NF2: variants seen among roughly 807,000 people sequenced by gnomAD.
The protein encoded by NF2 is NF2, moesin-ezrin-radixin like (MERLIN) tumor suppressor, also known as merlin.
In NF2, 8 loss-of-function variants were observed where a neutral mutation model predicts 83.7. The ratio of observed to expected loss-of-function variants is 0.10; its 90% CI spans 0.06 to 0.17. The LOEUF (loss-of-function observed/expected upper bound fraction) is 0.17, where lower values mean the gene tolerates loss of function less well. Ranked by LOEUF, NF2 falls within the 10% of genes least tolerant of loss-of-function variation. NF2 has a pLI of 1.00. For missense variants in NF2, 533 were observed against 744.4 expected, an observed-to-expected ratio of 0.72 and a Z score of 3.31; for synonymous variants, 266 against 269.6, an observed-to-expected ratio of 0.99 and a Z score of 0.13.
rs2064707013 is a variant in NF2, at chr22:29,603,859, C to A, written c.-140C>A. The stretch of plus-strand genomic sequence containing the variant: ...CGCGGCCCATGCTGGCCGCTGGGGA[C>A]CCGCGCAGCCCAGACCGTTCCCGGG... On this transcript the variant is annotated 5_prime_UTR_variant, in exon 1 of 16. Coordinates refer to ENST00000338641, the MANE Select transcript of NF2 (RefSeq NM_000268.4). 6.3e-6 allele frequency: 4 copies of A among 632,772 alleles called. No homozygotes were observed. Among genetic ancestry groups the A allele is most frequent in the Non-Finnish European group, 1.1e-5 (4 of 369,518 alleles). The allele number at this position is 632,772 out of a possible 1,614,324, so 39.2% of individuals were successfully genotyped here. A position where few individuals can be genotyped will look rare whatever the true frequency, so the allele number is the denominator to read the frequency against.
intron 1 of NF2, among the ~76,000 whole-genome samples, chr22:29,628,839 C>T (rs1008920325): frequency 6.6e-6 from 1 of 151,990 alleles, no homozygotes; most frequent in Admixed American, 6.6e-5. Flanking sequence ...CCATGTTGGC[C>T]AGGCTGGTCT....
chr22:29,671,984 T>G, intron 11 of NF2, 36 bp downstream of exon 11: 1 of 1,614,036 alleles, frequency 6.2e-7, no homozygotes. Context: ...AGGAGGCTAC[T>G]TGGGGACTTC....
At chr22:29,664,164 G>A (rs1161297628) in intron 8 of NF2, among the ~76,000 whole-genome samples, 1 of 152,108 alleles carries the variant, frequency 6.6e-6, no homozygotes, top group Non-Finnish European at 1.5e-5. Flanking sequence ...CTGGAGTGCA[G>A]TTGTGCAATT....
chr22:29,672,014 G>A (rs2147075225), intron 11 of NF2, 66 bp downstream of exon 11: 2 of 1,609,586 alleles, frequency 1.2e-6, no homozygotes, highest in Admixed American at 1.7e-5. Flanking sequence ...TCTGGAGCTT[G>A]GTCTCCTGAA....
intron 4 of NF2, among the ~76,000 whole-genome samples, chr22:29,648,445 T>C (rs1042120371): frequency 4.6e-5 from 7 of 152,200 alleles, no homozygotes; most frequent in African/African-American, 1.7e-4. Context: ...ACTGCATTGT[T>C]GGTGCTCATT....
intron 4 of NF2, among the ~76,000 whole-genome samples, chr22:29,650,598 T>C (rs1485862976): frequency 6.6e-6 from 1 of 151,688 alleles, no homozygotes; most frequent in Non-Finnish European, 1.5e-5. Context: ...TCTTTCCTTT[T>C]TCTTTTCTTT....
intron 8 of NF2, among the ~76,000 whole-genome samples, chr22:29,664,487 T>C (rs1478223816): frequency 6.6e-6 from 1 of 152,174 alleles, no homozygotes. Flanking sequence ...GCTACCCTGT[T>C]GGATTGTTCT....
At chr22:29,656,892 CT>C (rs2066328721) in intron 6 of NF2, among the ~76,000 whole-genome samples, 1 of 128,482 alleles carries the variant, frequency 7.8e-6, no homozygotes, top group South Asian at 2.6e-4. Context: ...TTTTATCAGT[CT>C]AATTTTTGTA....
chr22:29,678,382 C>T lies in NF2; in HGVS notation c.1574+59C>T, dbSNP rs957063047. 1.2e-5 allele frequency: 20 copies of T among 1,603,304 alleles called. No individual in the cohort carries two copies. In the Admixed American group the frequency reaches 2.5e-4, roughly 20 times the overall value. ...TGTGAACTAGACTGAGTGATTGGGG[C>T]CTTGGGAAGCTGGGGCAGAGGTGAG... On this transcript the variant is annotated intron_variant, in intron 14 of 15. Transcript: ENST00000338641.
rs750997162 is a variant in NF2, at chr22:29,694,650, G to A, written c.1738-102G>A. 3.1e-4 allele frequency: 387 copies of A among 1,232,046 alleles called. No homozygotes were observed. Among genetic ancestry groups the A allele is most frequent in the Non-Finnish European group, 3.9e-4 (336 of 851,266 alleles). The allele number at this position is 1,232,046 out of a possible 1,614,324, so 76.3% of individuals were successfully genotyped here. ...ATCTATTTGAACAGCCTTCCCTTTC[G>A]CTCCCAGCCACCTTTGAGGTGAGTC... On this transcript the variant is annotated intron_variant, in intron 15 of 15. Transcript: ENST00000338641. The surrounding 1 kb of genome is among the most constrained non-coding windows in gnomAD (Gnocchi z 4.1).
At chr22:29,670,320 CTTT>C (rs2066745416) in intron 10 of NF2, among the ~76,000 whole-genome samples, 1 of 151,950 alleles carries the variant, frequency 6.6e-6, no homozygotes, top group African/African-American at 2.4e-5. Context: ...CTTTTTCTTT[CTTT>C]CTTTCTTAGT....
chr22:29,692,095 C>T (rs930432284), intron 15 of NF2, among the ~76,000 whole-genome samples: 3 of 152,156 alleles, frequency 2.0e-5, no homozygotes, highest in African/African-American at 4.8e-5. Context: ...GTCTAAGGGG[C>T]GAGCAGCAGT....
intron 1 of NF2, among the ~76,000 whole-genome samples, chr22:29,626,989 G>C (rs1310827469): frequency 6.6e-6 from 1 of 152,094 alleles, no homozygotes; most frequent in African/African-American, 2.4e-5. Context: ...CTACATCAGA[G>C]AGTTCATCAT....
intron 15 of NF2, chr22:29,683,469 A>T (rs1386114227): frequency 1.7e-6 from 2 of 1,202,262 alleles, no homozygotes; most frequent in Admixed American, 8.1e-5. Flanking sequence ...TTAACTCAAG[A>T]TCAAGACCTT....
At chr22:29,606,720 G>T (rs2064808174) in intron 1 of NF2, among the ~76,000 whole-genome samples, 1 of 152,186 alleles carries the variant, frequency 6.6e-6, no homozygotes, top group African/African-American at 2.4e-5. Flanking sequence ...GAATAAGACA[G>T]CTGGAAGAAG....
rs1347775533 is a variant in NF2 at position 29,620,988 on chromosome 22, C to T, written c.115-15763C>T. 3.9e-5 allele frequency among the ~76,000 whole-genome samples: 6 copies of T among 152,268 alleles called. No homozygotes were observed. In the East Asian group the frequency reaches 1.2e-3, roughly 29 times the overall value. ...GGGAAACAGAGGCTCAGACAGGATA[C>T]ATAGCATGCTTAAAGGCTTAGTGCA... On this transcript the variant is annotated intron_variant, in intron 1 of 15. Transcript: ENST00000338641.
At chr22:29,643,196 G>T (rs1366455600) in intron 4 of NF2, among the ~76,000 whole-genome samples, 1 of 151,992 alleles carries the variant, frequency 6.6e-6, no homozygotes. Context: ...GTCCAGGCTG[G>T]TCTTGAACTC....
intron 15 of NF2, chr22:29,683,771 C>G (rs1332105449): frequency 1.9e-6 from 2 of 1,063,660 alleles, no homozygotes; most frequent in Admixed American, 5.4e-5. Flanking sequence ...CTCACGGCAC[C>G]CTGGAGAGGA....
At chr22:29,664,006 A>G (rs757264498) in intron 8 of NF2, among the ~76,000 whole-genome samples, 2 of 152,152 alleles carry the variant, frequency 1.3e-5, no homozygotes, top group Non-Finnish European at 2.9e-5. Context: ...CCCTTCTACT[A>G]TAGTCCATTT....
Sources: gnomAD v4.1 joint callset for allele counts (sites outside exome capture counted in the v4.1 genomes callset) on GRCh38, gnomAD v4.1.1 for gene constraint, Gnocchi (gnomAD v3.1) non-coding constraint, MANE v1.5 for transcripts, NCBI Gene and HGNC (gene_info 2026-07-23, HGNC 2026-07-21) for gene names.